ST3GAL3: variants seen among roughly 807,000 people sequenced by gnomAD.
ST3GAL3 encodes ST3 beta-galactoside alpha-2,3-sialyltransferase 3, also known as CMP-N-acetylneuraminate-beta-1,4-galactoside alpha-2,3-sialyltransferase.
ST3GAL3 carries 21 observed loss-of-function variants against 50.1 expected under a neutral mutation model. The ratio of observed to expected loss-of-function variants is 0.42; its 90% CI spans 0.30 to 0.60. ST3GAL3 has a LOEUF of 0.60. Ranked by LOEUF, ST3GAL3 falls within the 20% of genes least tolerant of loss-of-function variation. ST3GAL3 has a pLI of 0.19. For synonymous variants in ST3GAL3, 183 were observed against 190.0 expected (o/e 0.96, Z 0.30); for missense variants, 353 against 489.4 (o/e 0.72, Z 2.63).
At chr1:43,765,778 T>G (rs1410850673) in intron 2 of ST3GAL3, among the ~76,000 whole-genome samples, 1 of 137,020 alleles carries the variant, frequency 7.3e-6, no homozygotes, top group Non-Finnish European at 1.6e-5. Flanking sequence ...TGTGTGTGTG[T>G]GTGTGTGCGC....
At chr1:43,748,585 A>G (rs2154107029) in intron 2 of ST3GAL3, among the ~76,000 whole-genome samples, 1 of 151,994 alleles carries the variant, frequency 6.6e-6, no homozygotes, top group East Asian at 1.9e-4. Flanking sequence ...TGCCCAGCCA[A>G]TTTAAAAAAA....
At chr1:43,729,841 A>G (rs1674843734) in intron 1 of ST3GAL3, among the ~76,000 whole-genome samples, 1 of 152,248 alleles carries the variant, frequency 6.6e-6, no homozygotes, top group Non-Finnish European at 1.5e-5. Flanking sequence ...TTGTCAGTGT[A>G]TCTTTGGGAT....
intron 1 of ST3GAL3, among the ~76,000 whole-genome samples, chr1:43,728,327 G>A (rs369792956): frequency 7.3e-6 from 1 of 136,944 alleles, no homozygotes. Context: ...CAACAAGAGC[G>A]AAACTCCTTC....
At chr1:43,776,286 C>T (rs971698760) in intron 2 of ST3GAL3, among the ~76,000 whole-genome samples, 9 of 152,140 alleles carry the variant, frequency 5.9e-5, no homozygotes, top group Non-Finnish European at 8.8e-5. Context: ...ATGTCCTGGA[C>T]ATTCCATATA....
At chr1:43,827,550 T>G (rs1480377803) in intron 4 of ST3GAL3, among the ~76,000 whole-genome samples, 1 of 152,200 alleles carries the variant, frequency 6.6e-6, no homozygotes, top group Non-Finnish European at 1.5e-5. Flanking sequence ...TTGCCCAGGC[T>G]GGAGTGTAGC....
intron 6 of ST3GAL3, 102 bp from the exon 7 acceptor site, chr1:43,898,133 C>A (rs1004793971): frequency 1.3e-5 from 16 of 1,277,518 alleles, no homozygotes; most frequent in Middle Eastern, 1.8e-4. Flanking sequence ...TCCACTTTCA[C>A]TCTAGCCCCT....
chr1:43,783,532 T>C (rs1168919123), intron 2 of ST3GAL3, among the ~76,000 whole-genome samples: 1 of 152,256 alleles, frequency 6.6e-6, no homozygotes, highest in Non-Finnish European at 1.5e-5. Flanking sequence ...ATTCAGTACT[T>C]GGCAATATTG....
chr1:43,764,360 A>G (rs1318276680), intron 2 of ST3GAL3, among the ~76,000 whole-genome samples: 1 of 152,078 alleles, frequency 6.6e-6, no homozygotes, highest in Non-Finnish European at 1.5e-5. Flanking sequence ...GATTTTGTGT[A>G]TTTTTGATTG....
At chr1:43,768,474 T>A (rs920856383) in intron 2 of ST3GAL3, among the ~76,000 whole-genome samples, 1 of 152,060 alleles carries the variant, frequency 6.6e-6, no homozygotes, top group Non-Finnish European at 1.5e-5. Context: ...AAAATTAAAA[T>A]TGACAGACTT....
At chr1:43,811,591 G>A (rs1209770296) in intron 3 of ST3GAL3, among the ~76,000 whole-genome samples, 10 of 152,146 alleles carry the variant, frequency 6.6e-5, no homozygotes, top group African/African-American at 1.2e-4. Flanking sequence ...GACCTGAAAC[G>A]AGCCCACAAC....
Position 43,772,152 on chromosome 1 carries a change from C to T in ST3GAL3, c.119-19950C>T, listed in dbSNP as rs1018257821. On this transcript the variant is annotated intron_variant, in intron 2 of 11. Transcript: ENST00000347631. ...GCAACCTCCGCCTCCCGGGTTCAAGCGATTCTCCTGCCTCAGCCTCCCCAG... is the reference window on the plus strand; with the variant it reads ...GCAACCTCCGCCTCCCGGGTTCAAGTGATTCTCCTGCCTCAGCCTCCCCAG... 5 of 396,760 alleles carry T rather than the reference C, an allele frequency of 1.3e-5. No individual in the cohort carries two copies. In the East Asian group the frequency reaches 1.4e-4, roughly 11 times the overall value. 24.6% of individuals were successfully genotyped at this position (396,760 alleles called of 1,614,324 possible).
chr1:43,895,380 T>A (rs540645271), intron 6 of ST3GAL3, among the ~76,000 whole-genome samples: 1 of 152,234 alleles, frequency 6.6e-6, no homozygotes, highest in African/African-American at 2.4e-5. Context: ...CAATTCTGCT[T>A]CTTTGTCAAG....
intron 1 of ST3GAL3, among the ~76,000 whole-genome samples, chr1:43,726,643 G>A (rs1170065381): frequency 6.6e-6 from 1 of 152,048 alleles, no homozygotes; most frequent in Non-Finnish European, 1.5e-5. Context: ...TGTTCAGGCT[G>A]GAGTGCAGTG....
chr1:43,920,705 T>C, intron 10 of ST3GAL3, 77 bp from the exon 11 acceptor site: 1 of 1,612,820 alleles, frequency 6.2e-7, no homozygotes, highest in Non-Finnish European at 8.5e-7. Context: ...TCTAGGGAGC[T>C]TGGCTGAAGT....
intron 5 of ST3GAL3, among the ~76,000 whole-genome samples, chr1:43,848,168 C>T (rs1027071767): frequency 1.3e-5 from 2 of 151,862 alleles, no homozygotes; most frequent in African/African-American, 4.8e-5. Flanking sequence ...GACAAAACGT[C>T]TTCTGTCATT....
chr1:43,831,019 G>A (rs1457082746), intron 4 of ST3GAL3, among the ~76,000 whole-genome samples: 1 of 152,190 alleles, frequency 6.6e-6, no homozygotes, highest in Non-Finnish European at 1.5e-5. Flanking sequence ...GACCCACATT[G>A]CTGTAGGTAT....
chr1:43,731,568 T>A (rs1675876297), intron 1 of ST3GAL3, among the ~76,000 whole-genome samples: 1 of 149,538 alleles, frequency 6.7e-6, no homozygotes, highest in East Asian at 1.9e-4. Flanking sequence ...TTTTTTTTTT[T>A]TTTTTTTTTT....
intron 9 of ST3GAL3, among the ~76,000 whole-genome samples, chr1:43,918,593 A>G (rs2082484509): frequency 6.6e-6 from 1 of 151,856 alleles, no homozygotes; most frequent in South Asian, 2.1e-4. Flanking sequence ...TTGGTTTTGA[A>G]TCATATATAT....
intron 5 of ST3GAL3, chr1:43,838,753 T>A (rs1016476523): frequency 3.9e-6 from 1 of 257,736 alleles, no homozygotes; most frequent in East Asian, 8.9e-5. Flanking sequence ...GTTTTAGCAC[T>A]TTCCTTCTCT....
Sources: gnomAD v4.1 joint callset for allele counts (sites outside exome capture counted in the v4.1 genomes callset) on GRCh38, gnomAD v4.1.1 for gene constraint, MANE v1.5 for transcripts, NCBI Gene and HGNC (gene_info 2026-07-23, HGNC 2026-07-21) for gene names.